Variants in ADAT1 observed in about 807,000 individuals in gnomAD.
ADAT1 encodes the protein tRNA-specific adenosine deaminase 1.
Under a neutral mutation model 58.6 loss-of-function variants are expected in ADAT1, and 58 were observed. The ratio of observed to expected loss-of-function variants is 0.99; its 90% CI spans 0.80 to 1.23. The LOEUF is 1.23. ADAT1 is among the 50% of genes most tolerant of loss of function. The probability of loss-of-function intolerance (pLI) is 0.00; values close to 1 mark genes in which losing one functional copy is unlikely to be tolerated. For missense variants in ADAT1, 741 were observed against 608.6 expected (o/e 1.22, Z -2.29); for synonymous variants, 254 against 220.8 (o/e 1.15, Z -1.33).
intron 1 of ADAT1, among the ~76,000 whole-genome samples, chr16:75,621,940 G>C (rs919134755): frequency 6.6e-6 from 1 of 152,174 alleles, no homozygotes; most frequent in South Asian, 2.1e-4. Context: ...CTGAGGTCAG[G>C]AGTTCGAGGC....
In ADAT1 at chr16:75,614,204, AG is replaced by A. The variant is rs200135229; in HGVS notation, c.425-1344del. 6.8e-3 allele frequency among the ~76,000 whole-genome samples: 1,028 copies of A among 152,296 alleles called. 12 individuals carry two copies. The highest frequency in any genetic ancestry group is 0.023 in the African/African-American group (955 of 41,578). ...GATTCCATCTCAAAAAAAAAGGAAA[AG>A]AAATTTGGCAACCATTGCTCAGAAT... On this transcript the variant is annotated intron_variant, in intron 5 of 9. Transcript: ENST00000564657.
At chr16:75,620,885 C>T (rs2081913252) in intron 1 of ADAT1, 65 bp from the exon 2 acceptor site, 2 of 1,381,848 alleles carry the variant, frequency 1.4e-6, no homozygotes, top group Non-Finnish European at 2.0e-6. Flanking sequence ...GCTACAGCCT[C>T]TCATATCCAT....
intron 8 of ADAT1, among the ~76,000 whole-genome samples, chr16:75,607,409 G>A (rs1282083563): frequency 2.0e-5 from 3 of 151,866 alleles, no homozygotes; most frequent in Non-Finnish European, 4.4e-5. Context: ...GGCTGAGGCA[G>A]GAGAATCGCT....
At chr16:75,619,486 A>C in intron 3 of ADAT1, 2 of 401,536 alleles carry the variant, frequency 5.0e-6, no homozygotes, top group South Asian at 3.7e-5. Flanking sequence ...GCAGTGAGCT[A>C]TGATAGTACC....
chr16:75,603,844 A>G (rs528024272), intron 8 of ADAT1, among the ~76,000 whole-genome samples: 1 of 152,242 alleles, frequency 6.6e-6, no homozygotes, highest in Non-Finnish European at 1.5e-5. Context: ...ACTTTTACAC[A>G]CCACACTCTG....
chr16:75,607,445 T>C (rs1187415233), intron 8 of ADAT1, among the ~76,000 whole-genome samples: 1 of 148,094 alleles, frequency 6.8e-6, no homozygotes, highest in Non-Finnish European at 1.5e-5. Context: ...GAGGTTGCAG[T>C]GAGCCAAGAT....
rs367726242 is a variant in ADAT1 at position 75,598,798 on chromosome 16, C to T, written c.*1418G>A. 26 of 722,534 alleles carry T rather than the reference C, an allele frequency of 3.6e-5. No individual in the cohort carries two copies. The East Asian group carries it at 6.6e-4, about 18-fold the overall frequency. 44.8% of individuals were successfully genotyped at this position (722,534 alleles called of 1,614,324 possible). ...CCTCCCAAAGTGTTGGAATTACAGG[C>T]GTAAGCCACCGTGCCCGGCCTAAAA... On this transcript the variant is annotated 3_prime_UTR_variant, in exon 10 of 10. Coordinates refer to ENST00000564657, the MANE Select transcript of ADAT1 (RefSeq NM_001324445.2).
chr16:75,616,297 C>T (rs59794444), intron 5 of ADAT1, among the ~76,000 whole-genome samples: 9,656 of 152,176 alleles, frequency 0.063, 409 homozygotes, highest in African/African-American at 0.12. Flanking sequence ...TGTGAGCCAC[C>T]GTGCCTGGCC....
Position 75,612,249 on chromosome 16 carries a change from A to G in ADAT1, c.1037T>C (p.Ile346Thr), listed in dbSNP as rs1243300455. 3.1e-6 allele frequency: 5 copies of G among 1,613,644 alleles called. No individual in the cohort carries two copies. The South Asian group carries it at 3.3e-5, about 11-fold the overall frequency. The change falls in exon 6 of 10, where the codon ATT (isoleucine) becomes ACT (threonine). Residue 346 changes from isoleucine (I) to threonine (T), a missense_variant. Physicochemically the swap from Ile to Thr is moderately conservative, Grantham distance 89. Transcript: ENST00000564657. ...GCCCTCCCTACCCTCTCACCTTCCA[A>G]TCAGTGCTCTCTGCATGGCTTCCTG... Reference protein sequence around the residue: ...YSQEAMQRALIGRCQNVSALP... With the variant: ...YSQEAMQRALTGRCQNVSALP...
In ADAT1 at chr16:75,597,488, G is replaced by C. The variant is rs554785535; in HGVS notation, c.*2728C>G. ...GCAGTCCCCAACCTTTTTGGCACCA[G>C]GGACTGGTTTCATGGAAGATAATTT... On this transcript the variant is annotated 3_prime_UTR_variant, in exon 10 of 10. Coordinates refer to ENST00000564657, the MANE Select transcript of ADAT1 (RefSeq NM_001324445.2). 165 of 388,386 alleles carry C rather than the reference G, an allele frequency of 4.2e-4. 2 individuals carry two copies. The highest frequency in any genetic ancestry group is 3.0e-3 in the South Asian group (157 of 52,858). 24.1% of individuals were successfully genotyped at this position (388,386 alleles called of 1,614,324 possible).
intron 8 of ADAT1, among the ~76,000 whole-genome samples, chr16:75,603,807 C>T (rs374844918): frequency 4.5e-4 from 68 of 152,190 alleles, no homozygotes; most frequent in African/African-American, 1.6e-3. Flanking sequence ...TTGGGAAATG[C>T]TGTGTATACC....
chr16:75,623,099 C>G lies in ADAT1; in HGVS notation c.-718G>C, dbSNP rs758942665. The G allele has an allele frequency of 1.6e-4, 25 of 152,344 alleles. No homozygotes were observed. Among genetic ancestry groups the G allele is most frequent in the Non-Finnish European group, 2.1e-4 (14 of 68,124 alleles). 9.4% of individuals were successfully genotyped at this position (152,344 alleles called of 1,614,324 possible). A position where few individuals can be genotyped will look rare whatever the true frequency, so the allele number is the denominator to read the frequency against. ...GGCGCCGGCTGCTGACAGTTCCAGG[C>G]GTGGAGCGCCTTCCCACGTGAAACG... On this transcript the variant is annotated 5_prime_UTR_variant, in exon 1 of 10. Coordinates refer to ENST00000564657, the MANE Select transcript of ADAT1 (RefSeq NM_001324445.2).
chr16:75,605,042 C>T (rs1031806423), intron 8 of ADAT1, among the ~76,000 whole-genome samples: 2 of 152,138 alleles, frequency 1.3e-5, no homozygotes, highest in Non-Finnish European at 2.9e-5. Context: ...TTATGATGAT[C>T]CACTTCCACT....
At chr16:75,620,494 G>C in intron 2 of ADAT1, 137 bp downstream of exon 2, 4 of 1,390,424 alleles carry the variant, frequency 2.9e-6, no homozygotes, top group Non-Finnish European at 4.0e-6. Context: ...GAGGTACTGC[G>C]TCACCTAGCA....
chr16:75,618,331 C>A (rs1315531999), intron 4 of ADAT1, among the ~76,000 whole-genome samples: 1 of 151,622 alleles, frequency 6.6e-6, no homozygotes, highest in Non-Finnish European at 1.5e-5. Flanking sequence ...ATGGTGAAAC[C>A]CCATCTCTAC....
intron 5 of ADAT1, among the ~76,000 whole-genome samples, chr16:75,616,004 C>CTT (rs529617080): frequency 1.3e-4 from 19 of 144,930 alleles, no homozygotes; most frequent in African/African-American, 3.3e-4. Flanking sequence ...TCTTCTCTCT[C>CTT]TTTTTTTTTT....
chr16:75,622,977 G>C lies in ADAT1; in HGVS notation c.-596C>G, dbSNP rs1240258684. ...CCAGTTACAGGATAGGAGGTGCCAG[G>C]CAAGGCACTGAAGCCATGCAGTGAG... is the stretch of plus-strand genomic sequence containing the variant. On this transcript the variant is annotated 5_prime_UTR_variant, in exon 1 of 10. Coordinates refer to ENST00000564657, the MANE Select transcript of ADAT1 (RefSeq NM_001324445.2). 6.6e-6 allele frequency: 1 copy of C among 152,266 alleles called. No individual in the cohort carries two copies. Among genetic ancestry groups the C allele is most frequent in the Non-Finnish European group, 1.5e-5 (1 of 68,080 alleles). The allele number at this position is 152,266 out of a possible 1,614,324, so 9.4% of individuals were successfully genotyped here.
At chr16:75,605,990 A>G (rs190139057) in intron 8 of ADAT1, among the ~76,000 whole-genome samples, 170 of 148,324 alleles carry the variant, frequency 1.1e-3, no homozygotes, top group African/African-American at 4.0e-3. Context: ...TTCCCAGACT[A>G]ATTAGAATTA....
chr16:75,612,844 T>C lies in ADAT1; in HGVS notation c.442A>G (p.Ile148Val). The C allele has an allele frequency of 6.2e-7, 1 of 1,613,756 alleles. No homozygotes were observed. The highest frequency in any genetic ancestry group is 8.5e-7 in the Non-Finnish European group (1 of 1,179,874). Residue 148 changes from isoleucine to valine, a missense_variant, in exon 6 of 10, where the codon ATT becomes GTT. Ile to Val is a conservative substitution (Grantham distance 29). Coordinates refer to ENST00000564657, the MANE Select transcript of ADAT1 (RefSeq NM_001324445.2). ...TGATCTTCAAACTCAAGCATCGGAATGATGGAGGCATCCCCACCTGCAGAG... is the reference window on the plus strand; with the variant it reads ...TGATCTTCAAACTCAAGCATCGGAACGATGGAGGCATCCCCACCTGCAGAG... Reference protein sequence around the residue: ...SHTPCGDASIIPMLEFEDQPC... With the variant: ...SHTPCGDASIVPMLEFEDQPC...
Sources: gnomAD v4.1 joint callset for allele counts (sites outside exome capture counted in the v4.1 genomes callset) on GRCh38, gnomAD v4.1.1 for gene constraint, MANE v1.5 for transcripts, NCBI Gene and HGNC (gene_info 2026-07-23, HGNC 2026-07-21) for gene names.